The following ATP11A variants were observed in gnomAD, a reference collection of about 807,000 sequenced individuals.
The protein encoded by ATP11A is ATPase phospholipid transporting 11A, also known as phospholipid-transporting ATPase IH.
A neutral mutation model predicts 154.4 loss-of-function variants in ATP11A; 81 were observed. The ratio of observed to expected loss-of-function variants is 0.52; its 90% CI spans 0.44 to 0.63. The LOEUF (loss-of-function observed/expected upper bound fraction) is 0.63. ATP11A is among the 30% of genes least tolerant of loss of function. ATP11A has a pLI of 0.00. For missense variants in ATP11A, 1,316 were observed against 1,474.3 expected (o/e 0.89, Z 1.76); for synonymous variants, 623 against 585.9 (o/e 1.06, Z -0.91).
At chr13:112,799,861 T>C (rs779815422) in intron 2 of ATP11A, among the ~76,000 whole-genome samples, 3 of 152,138 alleles carry the variant, frequency 2.0e-5, no homozygotes, top group African/African-American at 4.8e-5. Context: ...CACAGTAGAA[T>C]TAAACTAGAA....
chr13:112,751,220 C>T (rs2076683232), intron 1 of ATP11A, among the ~76,000 whole-genome samples: 2 of 152,184 alleles, frequency 1.3e-5, no homozygotes, highest in African/African-American at 4.8e-5. Context: ...TGTCGAAAGG[C>T]ATGTGTCTTG....
chr13:112,735,125 A>G (rs1178221338), intron 1 of ATP11A, among the ~76,000 whole-genome samples: 2 of 152,180 alleles, frequency 1.3e-5, no homozygotes, highest in East Asian at 1.9e-4. Context: ...AAAAAAGGAA[A>G]TCTCCATCTG....
intron 14 of ATP11A, 87 bp downstream of exon 14, chr13:112,833,110 G>A (rs933703408): frequency 1.5e-5 from 22 of 1,508,232 alleles, no homozygotes; most frequent in African/African-American, 1.4e-4. Flanking sequence ...ACCTAGAGGC[G>A]TCCTCAGCCC....
intron 1 of ATP11A, among the ~76,000 whole-genome samples, chr13:112,732,183 G>A (rs1278659): frequency 6.6e-6 from 1 of 151,964 alleles, no homozygotes; most frequent in Non-Finnish European, 1.5e-5. Context: ...GTCTGGAGTC[G>A]GAGGAGCCAC....
intron 21 of ATP11A, 97 bp from the exon 22 acceptor site, chr13:112,858,048 G>C: frequency 1.3e-6 from 2 of 1,573,290 alleles, no homozygotes; most frequent in Non-Finnish European, 1.7e-6. Flanking sequence ...GACCGGGAAG[G>C]CTCATGATGA....
At chr13:112,693,129 G>C (rs1885385619) in intron 1 of ATP11A, among the ~76,000 whole-genome samples, 2 of 152,260 alleles carry the variant, frequency 1.3e-5, no homozygotes, top group Admixed American at 1.3e-4. Flanking sequence ...AGAGGCAAAT[G>C]AGTGAGAGAA....
intron 25 of ATP11A, among the ~76,000 whole-genome samples, chr13:112,866,324 CTG>C (rs1341741788): frequency 6.6e-6 from 1 of 152,184 alleles, no homozygotes; most frequent in Non-Finnish European, 1.5e-5. Context: ...AGAGCTAGCT[CTG>C]TGTTAGAAGG....
intron 1 of ATP11A, among the ~76,000 whole-genome samples, chr13:112,743,115 C>T (rs963297324): frequency 1.3e-5 from 2 of 152,224 alleles, no homozygotes; most frequent in African/African-American, 2.4e-5. Flanking sequence ...AAGATTCAGA[C>T]TGGCAGACAG....
At chr13:112,787,134 G>A (rs989534242) in intron 2 of ATP11A, among the ~76,000 whole-genome samples, 4 of 139,058 alleles carry the variant, frequency 2.9e-5, no homozygotes, top group Non-Finnish European at 4.5e-5. Context: ...AGACCCCTGT[G>A]GAGACCTACT....
rs1172833760 is a variant in ATP11A, at chr13:112,882,665, C to T, written c.*799C>T. 2 of 399,846 alleles carry T rather than the reference C, an allele frequency of 5.0e-6. No homozygotes were observed. Among genetic ancestry groups the T allele is most frequent in the Non-Finnish European group, 8.8e-6 (2 of 227,160 alleles). 24.8% of individuals were successfully genotyped at this position (399,846 alleles called of 1,614,324 possible). On this transcript the variant is annotated 3_prime_UTR_variant, in exon 30 of 30. Coordinates refer to ENST00000375645, the MANE Select transcript of ATP11A (RefSeq NM_015205.3). This position sits in a 1 kb window ranked among gnomAD's most constrained non-coding sequence, Gnocchi z 5.1. ...CCGCCTCGTGGAGAAGGCAGTGCCA[C>T]GTGGGAGGACAAGGCCACGCCGGCA... is the stretch of plus-strand genomic sequence containing the variant.
chr13:112,720,291 C>A (rs1013449924), intron 1 of ATP11A, among the ~76,000 whole-genome samples: 2 of 152,212 alleles, frequency 1.3e-5, no homozygotes, highest in Admixed American at 1.3e-4. Flanking sequence ...TTTCTTGAAA[C>A]GGGTGTCACA....
Position 112,702,220 on chromosome 13 carries a change from C to T in ATP11A, c.39+11765C>T, listed in dbSNP as rs182131295. 1.5e-3 allele frequency among the ~76,000 whole-genome samples: 223 copies of T among 151,888 alleles called. 1 individual carries two copies. Among genetic ancestry groups the T allele is most frequent in the Admixed American group, 4.3e-3 (66 of 15,262 alleles). ...AATTAGCTGGGCATCGTGGCGGGCA[C>T]CTGTAATCCCACCTACTCGGGAGGC... On this transcript the variant is annotated intron_variant, in intron 1 of 29. Coordinates refer to ENST00000375645, the MANE Select transcript of ATP11A (RefSeq NM_015205.3).
At position 112,696,957 on chromosome 13, in the gene ATP11A, AGT is replaced by A. The variant is rs914539221; in HGVS notation, c.39+6504_39+6505del. ...CAGGCGACGGTGCTGAGAAAAAGAG[AGT>A]GGGGTTGGGGGCAGTGCGTGCGCAG... On this transcript the variant is annotated intron_variant, in intron 1 of 29. Coordinates refer to ENST00000375645, the MANE Select transcript of ATP11A (RefSeq NM_015205.3). The surrounding 1 kb of genome is among the most constrained non-coding windows in gnomAD (Gnocchi z 6.2). The A allele has an allele frequency of 6.6e-6, 1 of 150,640 alleles. No individual in the cohort carries two copies. The highest frequency in any genetic ancestry group is 2.5e-5 in the African/African-American group (1 of 40,678). 9.3% of individuals were successfully genotyped at this position (150,640 alleles called of 1,614,324 possible). A position where few individuals can be genotyped will look rare whatever the true frequency, so the allele number is the denominator to read the frequency against.
In ATP11A at chr13:112,754,290, C is replaced by T. The variant is rs991612633; in HGVS notation, c.40-30845C>T. On this transcript the variant is annotated intron_variant, in intron 1 of 29. Transcript: ENST00000375645. The surrounding 1 kb of genome is among the most constrained non-coding windows in gnomAD (Gnocchi z 5.3). ...CTCTGCAATCTGCCCCTTAGTGCCTCGGCTGATTCTTGGTCTTTGGAGACC... is the reference window on the plus strand; with the variant it reads ...CTCTGCAATCTGCCCCTTAGTGCCTTGGCTGATTCTTGGTCTTTGGAGACC... Among the ~76,000 whole-genome samples the T allele has an allele frequency of 2.0e-5, 3 of 152,174 alleles. No homozygotes were observed. The highest frequency in any genetic ancestry group is 6.5e-5 in the Admixed American group (1 of 15,280).
chr13:112,840,454 T>C (rs1268635674), intron 16 of ATP11A, among the ~76,000 whole-genome samples: 3 of 8,250 alleles, frequency 3.6e-4, no homozygotes, highest in African/African-American at 5.4e-4. Context: ...CATTCTCTCA[T>C]CCCCCCCCAG....
Position 112,690,855 on chromosome 13 carries a change from A to G in ATP11A, c.39+400A>G, listed in dbSNP as rs1885077632. ...CCCGGGTCTGGGGAGGAACCTTCAG[A>G]TGCGGCTTCCGCGCAGCCGTGTCTG... is the stretch of plus-strand genomic sequence containing the variant. On this transcript the variant is annotated intron_variant, in intron 1 of 29. Coordinates refer to ENST00000375645, the MANE Select transcript of ATP11A (RefSeq NM_015205.3). This position sits in a 1 kb window ranked among gnomAD's most constrained non-coding sequence, Gnocchi z 5.6. Among the ~76,000 whole-genome samples, 1 of 152,180 alleles carries G rather than the reference A, an allele frequency of 6.6e-6. No homozygotes were observed. The highest frequency in any genetic ancestry group is 6.5e-5 in the Admixed American group (1 of 15,284).
intron 25 of ATP11A, among the ~76,000 whole-genome samples, chr13:112,864,974 T>C (rs1422674969): frequency 7.1e-6 from 1 of 141,294 alleles, no homozygotes; most frequent in Non-Finnish European, 1.5e-5. Context: ...CATCACCACC[T>C]GCACAGTAAT....
rs4907758 is a variant in ATP11A, at chr13:112,766,492, G to A, written c.40-18643G>A. ...CAGACTGTCCTCCCTGCAGAGCTGC[G>A]TCCAGAAGGTGCGTCCCGGCTGAAT... On this transcript the variant is annotated intron_variant, in intron 1 of 29. Coordinates refer to ENST00000375645, the MANE Select transcript of ATP11A (RefSeq NM_015205.3). Among the ~76,000 whole-genome samples the A allele has an allele frequency of 4.6e-3, 693 of 152,242 alleles. 6 individuals carry two copies. Among genetic ancestry groups the A allele is most frequent in the African/African-American group, 0.015 (608 of 41,552 alleles).
rs1885987281 is a variant in ATP11A, at chr13:112,697,341, C to G, written c.39+6886C>G. ...TGTTCATTTCCGTGTTCCAGTGTCA[C>G]CCGTGTGCCTAGAACGTTCCTGGCA... On this transcript the variant is annotated intron_variant, in intron 1 of 29. Coordinates refer to ENST00000375645, the MANE Select transcript of ATP11A (RefSeq NM_015205.3). The surrounding 1 kb of genome is among the most constrained non-coding windows in gnomAD (Gnocchi z 4.0). 6.6e-6 allele frequency among the ~76,000 whole-genome samples: 1 copy of G among 152,162 alleles called. No homozygotes were observed. The highest frequency in any genetic ancestry group is 2.1e-4 in the South Asian group (1 of 4,834).
Sources: gnomAD v4.1 joint callset for allele counts (sites outside exome capture counted in the v4.1 genomes callset) on GRCh38, gnomAD v4.1.1 for gene constraint, Gnocchi (gnomAD v3.1) non-coding constraint, MANE v1.5 for transcripts, NCBI Gene and HGNC (gene_info 2026-07-23, HGNC 2026-07-21) for gene names.